Variants in KRT32 observed in about 807,000 individuals in gnomAD.
The protein encoded by KRT32 is keratin, type I cuticular Ha2.
KRT32 carries 44 observed loss-of-function variants against 41.8 expected under a neutral mutation model. The ratio of observed to expected loss-of-function variants is 1.05; its 90% CI spans 0.83 to 1.35. The LOEUF (loss-of-function observed/expected upper bound fraction) is 1.35, where lower values mean the gene tolerates loss of function less well. KRT32 is among the 40% of genes most tolerant of loss of function. KRT32 has a pLI of 0.00. For missense variants in KRT32, 576 were observed against 584.6 expected (o/e 0.99, Z 0.15); for synonymous variants, 238 against 242.5 (o/e 0.98, Z 0.17).
At position 41,467,049 on chromosome 17, in the gene KRT32, T is replaced by C. The variant is rs1014448701; in HGVS notation, c.277A>G (p.Asn93Asp). The C allele has an allele frequency of 1.5e-5, 25 of 1,614,116 alleles. No individual in the cohort carries two copies. The highest frequency in any genetic ancestry group is 2.2e-5 in the South Asian group (2 of 91,090). ...TGCATGGTTTCCTTCTCATTGCCAT[T>C]GAAGGCCCCTTCGCTGTACCAGCTG... ...PGSWYSEGAF[N>D]GNEKETMQFL... is the part of the protein sequence containing the mutation. Residue 93 changes from asparagine (N) to aspartate (D), a missense_variant, in exon 1 of 7, where the codon AAT (asparagine) becomes GAT (aspartate). Physicochemically the swap from Asn to Asp is conservative, Grantham distance 23. Transcript: ENST00000225899.
chr17:41,466,220 G>A lies in KRT32; in HGVS notation c.469-44C>T, dbSNP rs8072899. 23,065 of 1,518,086 alleles carry A rather than the reference G, an allele frequency of 0.015. 2,730 individuals carry two copies. The African/African-American group carries it at 0.27, about 18-fold the overall frequency. 94.0% of individuals were successfully genotyped at this position (1,518,086 alleles called of 1,614,324 possible). A position where few individuals can be genotyped will look rare whatever the true frequency, so the allele number is the denominator to read the frequency against. ...GGAGAGGGTTAGTTCAGGATGAGACGAAGCAAGAAGAACCCAAATGAAGAG... is the reference window on the plus strand; with the variant it reads ...GGAGAGGGTTAGTTCAGGATGAGACAAAGCAAGAAGAACCCAAATGAAGAG... On this transcript the variant is annotated intron_variant, in intron 1 of 6. Transcript: ENST00000225899.
intron 3 of KRT32, 97 bp from the exon 4 acceptor site, chr17:41,464,540 A>C (rs2019046724): frequency 1.7e-6 from 2 of 1,209,008 alleles, no homozygotes; most frequent in Non-Finnish European, 2.2e-6. Context: ...AAGTTGCTAA[A>C]GATTGAAACA....
At chr17:41,460,359 C>T in intron 6 of KRT32, 120 bp from the exon 7 acceptor site, 1 of 1,263,276 alleles carries the variant, frequency 7.9e-7, no homozygotes, top group Non-Finnish European at 1.1e-6. Context: ...TCTGCCCAGC[C>T]TCCCTGGTCC....
Position 41,462,114 on chromosome 17 carries a change from C to T in KRT32, c.1217+716G>A, listed in dbSNP as rs531474121. On this transcript the variant is annotated intron_variant, in intron 6 of 6. Coordinates refer to ENST00000225899, the MANE Select transcript of KRT32 (RefSeq NM_002278.3). ...TTTACTGAGCATCTACTATGTGCCA[C>T]GTACAGGGAATAAAATTGTATTATA... 2.6e-3 allele frequency among the ~76,000 whole-genome samples: 397 copies of T among 152,264 alleles called. 2 individuals are homozygous for T. Among genetic ancestry groups the T allele is most frequent in the African/African-American group, 9.1e-3 (378 of 41,544 alleles).
intron 5 of KRT32, 112 bp from the exon 6 acceptor site, chr17:41,463,162 T>G: frequency 2.1e-6 from 2 of 963,928 alleles, no homozygotes; most frequent in Non-Finnish European, 1.5e-6. Context: ...GAGCCCTCCC[T>G]ACACCAGTCA....
rs559871611 is a variant in KRT32, at chr17:41,466,917, G to A, written c.409C>T (p.Leu137Phe). 1.1e-5 allele frequency: 17 copies of A among 1,614,256 alleles called. No homozygotes were observed. The African/African-American group carries it at 2.1e-4, about 20-fold the overall frequency. ...GACTGGTAGTCAGGAGTCATGGTGAGCACCTGGGAGTGAGAGGCCTCTTGG... is the reference window on the plus strand; with the variant it reads ...GACTGGTAGTCAGGAGTCATGGTGAACACCTGGGAGTGAGAGGCCTCTTGG... ...RIQEASHSQV[L>F]TMTPDYQSHF... Residue 137 changes from leucine (L) to phenylalanine (F), a missense_variant, in exon 1 of 7, where the codon CTC (leucine) becomes TTC (phenylalanine). Physicochemically the swap from Leu to Phe is conservative, Grantham distance 22. Transcript: ENST00000225899.
Position 41,466,867 on chromosome 17 carries a change from G to T in KRT32, c.459C>A (p.Leu153=). 2 of 1,608,894 alleles carry T rather than the reference G, an allele frequency of 1.2e-6. No individual in the cohort carries two copies. The highest frequency in any genetic ancestry group is 2.2e-5 in the East Asian group (1 of 44,784). ...TCACCGCTGCCCTCACCTTCTGCTG[G>T]AGCTCCTCAATGGTCCTGAAATGAG... ...YQSHFRTIEE[L]QQKILCTKAE... Residue 153 remains leucine (L), a synonymous_variant, in exon 1 of 7, where the codon CTC becomes CTA. Transcript: ENST00000225899.
rs202139624 is a variant in KRT32 at position 41,464,399 on chromosome 17, G to C, written c.753C>G (p.Ile251Met). 1 of 1,602,220 alleles carries C rather than the reference G, an allele frequency of 6.2e-7. No individual in the cohort carries two copies. Among genetic ancestry groups the C allele is most frequent in the Non-Finnish European group, 8.5e-7 (1 of 1,174,362 alleles). Residue 251 changes from isoleucine to methionine, a missense_variant, in exon 4 of 7, where the codon ATC becomes ATG. Ile to Met is a conservative substitution (Grantham distance 10, BLOSUM62 1). Transcript: ENST00000225899. Reference sequence around the variant, plus strand: ...CCACCGGGGGTGCAGCGTCCACCTCGATGTTAAGGCGGTCCCCAAGCTGGC... The same window carrying C: ...CCACCGGGGGTGCAGCGTCCACCTCCATGTTAAGGCGGTCCCCAAGCTGGC... ...LRCQLGDRLN[I>M]EVDAAPPVDL... is the part of the protein sequence containing the mutation.
At position 41,464,306 on chromosome 17, in the gene KRT32, G is replaced by C. The variant is rs149150620; in HGVS notation, c.846C>G (p.Asp282Glu). The change falls in exon 4 of 7, where the codon GAC (aspartate) becomes GAG (glutamate). Residue 282 changes from aspartate to glutamate, a missense_variant. Transcript: ENST00000225899. ...YEAMVEANRRDVEEWFNMQME... is the reference protein window; with the variant it reads ...YEAMVEANRREVEEWFNMQME... ...CCTGCATATTGAACCATTCCTCCAC[G>C]TCCCTGCGGTTGGCCTCCACCATGG... The C allele has an allele frequency of 6.2e-7, 1 of 1,606,962 alleles. No individual in the cohort carries two copies.
chr17:41,463,164 C>T, intron 5 of KRT32, 114 bp from the exon 6 acceptor site: 1 of 953,860 alleles, frequency 1.0e-6, no homozygotes, highest in Admixed American at 2.8e-5. Context: ...GCCCTCCCTA[C>T]ACCAGTCACT....
chr17:41,465,773 C>G lies in KRT32; in HGVS notation c.708G>C (p.Glu236Asp), dbSNP rs1457555447. 6.2e-7 allele frequency: 1 copy of G among 1,608,214 alleles called. No individual in the cohort carries two copies. The highest frequency in any genetic ancestry group is 1.7e-5 in the Admixed American group (1 of 59,614). Residue 236 changes from glutamate to aspartate, a missense_variant and splice_region_variant, in exon 3 of 7, where the codon GAG (glutamate) becomes GAC (aspartate). Coordinates refer to ENST00000225899, the MANE Select transcript of KRT32 (RefSeq NM_002278.3). Reference sequence around the variant, plus strand: ...ACTTCAGCGGGACTTCCAGCCTCACCTCCTCATGGTTCTTTTTGAGGCACA... The same window carrying G: ...ACTTCAGCGGGACTTCCAGCCTCACGTCCTCATGGTTCTTTTTGAGGCACA... Reference protein sequence around the residue: ...ELMCLKKNHEEEVGSLRCQLG... With the variant: ...ELMCLKKNHEDEVGSLRCQLG...
intron 6 of KRT32, among the ~76,000 whole-genome samples, chr17:41,462,422 G>A (rs2019010390): frequency 6.6e-6 from 1 of 152,174 alleles, no homozygotes; most frequent in South Asian, 2.1e-4. Context: ...GGTGGGAGCA[G>A]GATTGTGTAG....
In KRT32 at chr17:41,460,170, G is replaced by A. The variant is rs149710564; in HGVS notation, c.1287C>T (p.Thr429=). The change falls in exon 7 of 7, where the codon ACC becomes ACT. Residue 429 remains threonine (T), a synonymous_variant. Coordinates refer to ENST00000225899, the MANE Select transcript of KRT32 (RefSeq NM_002278.3). Reference sequence around the variant, plus strand: ...TGCCAACAGTGCGTGGCACACAGACGGTGCGGGGCACGCATGGGGAGGGCA... The same window carrying A: ...TGCCAACAGTGCGTGGCACACAGACAGTGCGGGGCACGCATGGGGAGGGCA... ...TCVPSPCVPR[T]VCVPRTVGMP... is the part of the protein sequence containing the mutation. 838 of 1,613,536 alleles carry A rather than the reference G, an allele frequency of 5.2e-4. 1 individual carries two copies. The highest frequency in any genetic ancestry group is 4.5e-3 in the Middle Eastern group (27 of 6,032).
chr17:41,459,723 C>A lies in KRT32; in HGVS notation c.*387G>T, dbSNP rs950134369. ...AGCAGAAGGAGCATAAAAATAAATA[C>A]AGAATTTGCCCACGTTCCTCTTAAG... On this transcript the variant is annotated 3_prime_UTR_variant, in exon 7 of 7. Coordinates refer to ENST00000225899, the MANE Select transcript of KRT32 (RefSeq NM_002278.3). 6.3e-5 allele frequency: 10 copies of A among 159,742 alleles called. No individual in the cohort carries two copies. The highest frequency in any genetic ancestry group is 1.2e-4 in the Non-Finnish European group (9 of 72,336). The allele number at this position is 159,742 out of a possible 1,614,324, so 9.9% of individuals were successfully genotyped here.
chr17:41,466,989 T>A lies in KRT32; in HGVS notation c.337A>T (p.Arg113Trp). The A allele has an allele frequency of 6.2e-7, 1 of 1,614,236 alleles. No individual in the cohort carries two copies. The highest frequency in any genetic ancestry group is 8.5e-7 in the Non-Finnish European group (1 of 1,180,036). Residue 113 changes from arginine (R) to tryptophan (W), a missense_variant, in exon 1 of 7, where the codon AGG (arginine) becomes TGG (tryptophan). By Grantham distance (101) the Arg-to-Trp change is moderately radical (BLOSUM62 -3). Transcript: ENST00000225899. The part of the protein sequence containing the change: ...LNDRLASYLT[R>W]VRQLEQENAE... Reference sequence around the variant, plus strand: ...TTCTCCTGCTCCAGCTGCCGCACCCTCGTCAGGTAGCTGGCCAGGCGGTCG... The same window carrying A: ...TTCTCCTGCTCCAGCTGCCGCACCCACGTCAGGTAGCTGGCCAGGCGGTCG...
At position 41,464,046 on chromosome 17, in the gene KRT32, GGAGGGATGGGTGCCCACCCAGCA is replaced by G. The variant is rs1210297870; in HGVS notation, c.996+9_996+31del. Reference sequence around the variant, plus strand: ...CTATGCTCAGTACCGCCTAGGATCCGGAGGGATGGGTGCCCACCCAGCAGCTCTCACCAGGCTGTGCTGGGCCT... The same window carrying G: ...CTATGCTCAGTACCGCCTAGGATCCGGCTCTCACCAGGCTGTGCTGGGCCT... On this transcript the variant is annotated intron_variant, in intron 5 of 6. Coordinates refer to ENST00000225899, the MANE Select transcript of KRT32 (RefSeq NM_002278.3). 2 of 1,538,418 alleles carry G rather than the reference GGAGGGATGGGTGCCCACCCAGCA, an allele frequency of 1.3e-6. No individual in the cohort carries two copies. Among genetic ancestry groups the G allele is most frequent in the African/African-American group, 2.8e-5 (2 of 72,694 alleles).
intron 3 of KRT32, among the ~76,000 whole-genome samples, chr17:41,464,828 T>C (rs2019049491): frequency 1.3e-5 from 2 of 152,206 alleles, no homozygotes; most frequent in African/African-American, 4.8e-5. Flanking sequence ...TTAGGGCAGC[T>C]GCCTCCCAGG....
Position 41,460,248 on chromosome 17 carries a change from G to A in KRT32, c.1218-9C>T. 1 of 1,579,744 alleles carries A rather than the reference G, an allele frequency of 6.3e-7. No individual in the cohort carries two copies. The highest frequency in any genetic ancestry group is 1.3e-5 in the African/African-American group (1 of 74,148). ...ATGGGTTACAGGGCAGCCTGCAGGA[G>A]AAAGTCAAAGAGAAACAGGATTAGT... is the stretch of plus-strand genomic sequence containing the variant. On this transcript the variant is annotated splice_polypyrimidine_tract_variant and intron_variant, in intron 6 of 6. Transcript: ENST00000225899.
chr17:41,460,273 T>C, intron 6 of KRT32, 34 bp from the exon 7 acceptor site: 1 of 1,559,404 alleles, frequency 6.4e-7, no homozygotes, highest in Non-Finnish European at 8.7e-7. Context: ...ACAGGATTAG[T>C]AGAGAAGGCC....
Sources: gnomAD v4.1 joint callset for allele counts (sites outside exome capture counted in the v4.1 genomes callset) on GRCh38, gnomAD v4.1.1 for gene constraint, MANE v1.5 for transcripts, NCBI Gene and HGNC (gene_info 2026-07-23, HGNC 2026-07-21) for gene names.